The following CCBE1 variants were observed in gnomAD, a reference collection of about 807,000 sequenced individuals.
The protein encoded by CCBE1 is collagen and calcium-binding EGF domain-containing protein 1.
In CCBE1, 37 loss-of-function variants were observed where a neutral mutation model predicts 50.0. That is an observed-to-expected ratio of 0.74 (90% CI 0.57 to 0.97). The LOEUF (loss-of-function observed/expected upper bound fraction) is 0.97. Among genes scored for constraint, CCBE1 ranks in the 50% least tolerant of loss-of-function variants. The pLI, the probability that CCBE1 is intolerant of heterozygous loss-of-function variation, is 0.00. For synonymous variants in CCBE1, 234 were observed against 203.7 expected (o/e 1.15, Z -1.27); for missense variants, 538 against 523.8 (o/e 1.03, Z -0.26).
In CCBE1 at chr18:59,520,052, A is replaced by AC. The variant is rs1463597173; in HGVS notation, c.213-39815dup. ...TCTATATATCTGTTTTGGTACCAGT[A>AC]CCATGCTGTTTTGGTTACTGTAGCC... is the stretch of plus-strand genomic sequence containing the variant. On this transcript the variant is annotated intron_variant, in intron 2 of 10. Coordinates refer to ENST00000439986, the MANE Select transcript of CCBE1 (RefSeq NM_133459.4). 5.3e-5 allele frequency among the ~76,000 whole-genome samples: 8 copies of AC among 152,296 alleles called. No individual in the cohort carries two copies. The South Asian group carries it at 1.4e-3, about 28-fold the overall frequency.
In CCBE1 at chr18:59,438,852, A is replaced by C. The variant is rs376153030; in HGVS notation, c.951+691T>G. 1.7e-4 allele frequency among the ~76,000 whole-genome samples: 26 copies of C among 152,310 alleles called. No individual in the cohort carries two copies. In the East Asian group the frequency reaches 1.7e-3, roughly 10 times the overall value. ...CCTGGATGTCAGTGCAAGAGGTAGAAAGTGAGAGACCTTCAGGCCGGGAGC... is the reference window on the plus strand; with the variant it reads ...CCTGGATGTCAGTGCAAGAGGTAGACAGTGAGAGACCTTCAGGCCGGGAGC... On this transcript the variant is annotated intron_variant, in intron 9 of 10. Coordinates refer to ENST00000439986, the MANE Select transcript of CCBE1 (RefSeq NM_133459.4).
chr18:59,658,899 A>AAC (rs1555704935), intron 2 of CCBE1, among the ~76,000 whole-genome samples: 10 of 149,254 alleles, frequency 6.7e-5, no homozygotes, highest in African/African-American at 2.5e-4. Context: ...AAAAAAAAAA[A>AAC]AAAAAAACTG....
At chr18:59,441,552 T>A (rs1422083478) in intron 7 of CCBE1, among the ~76,000 whole-genome samples, 1 of 151,298 alleles carries the variant, frequency 6.6e-6, no homozygotes, top group Non-Finnish European at 1.5e-5. Flanking sequence ...AGGACAAGCC[T>A]CAGAGGGGAC....
chr18:59,564,129 A>G (rs1401856155), intron 2 of CCBE1: 1 of 152,228 alleles, frequency 6.6e-6, no homozygotes, highest in East Asian at 1.9e-4. Flanking sequence ...TATAACTATC[A>G]GCAGCTTAAA....
At chr18:59,569,412 A>G (rs2052874969) in intron 2 of CCBE1, among the ~76,000 whole-genome samples, 1 of 152,226 alleles carries the variant, frequency 6.6e-6, no homozygotes, top group South Asian at 2.1e-4. Flanking sequence ...TAGTTGATTT[A>G]TCTTTTGCAT....
intron 2 of CCBE1, among the ~76,000 whole-genome samples, chr18:59,556,151 T>C (rs2052653975): frequency 6.6e-6 from 1 of 152,184 alleles, no homozygotes; most frequent in African/African-American, 2.4e-5. Context: ...CTGCCGTGCA[T>C]GACACCTTGG....
chr18:59,696,321 C>T, intron 2 of CCBE1: 2 of 485,358 alleles, frequency 4.1e-6, no homozygotes, highest in Admixed American at 3.5e-5. Context: ...TTGCTATGCC[C>T]CACTGTTTAC....
intron 2 of CCBE1, among the ~76,000 whole-genome samples, chr18:59,685,387 C>A (rs368645436): frequency 6.6e-6 from 1 of 152,106 alleles, no homozygotes; most frequent in African/African-American, 2.4e-5. Context: ...TTGGAGACAC[C>A]AGGCACAGTG....
intron 2 of CCBE1, among the ~76,000 whole-genome samples, chr18:59,490,877 T>C (rs980634829): frequency 5.9e-5 from 9 of 152,236 alleles, no homozygotes; most frequent in African/African-American, 1.7e-4. Flanking sequence ...TTGTAAGACA[T>C]GTTTAAACCA....
chr18:59,600,490 TG>T (rs2053414593), intron 2 of CCBE1, among the ~76,000 whole-genome samples: 1 of 152,154 alleles, frequency 6.6e-6, no homozygotes, highest in Admixed American at 6.5e-5. Context: ...CCCCCACCTC[TG>T]GTCTGTGGAA....
chr18:59,539,200 C>CACAA (rs1555689624), intron 2 of CCBE1, among the ~76,000 whole-genome samples: 5 of 147,796 alleles, frequency 3.4e-5, no homozygotes, highest in African/African-American at 1.2e-4. Flanking sequence ...CACACACACA[C>CACAA]AAAAAACAAA....
chr18:59,696,767 C>A (rs2144762429), intron 1 of CCBE1, 58 bp from the exon 2 acceptor site: 7 of 1,574,700 alleles, frequency 4.4e-6, no homozygotes, highest in Non-Finnish European at 6.1e-6. Flanking sequence ...AGGCGGGCAG[C>A]GCGCGCTGGG....
chr18:59,565,755 A>AT (rs35917762), intron 2 of CCBE1, among the ~76,000 whole-genome samples: 2,118 of 147,458 alleles, frequency 0.014, 28 homozygotes, highest in African/African-American at 0.034. Flanking sequence ...TTGTCACTAG[A>AT]TTTTTTTTTT....
At chr18:59,525,745 A>G (rs1914792186) in intron 2 of CCBE1, among the ~76,000 whole-genome samples, 2 of 152,142 alleles carry the variant, frequency 1.3e-5, no homozygotes, top group South Asian at 4.1e-4. Flanking sequence ...TAACTCTTTA[A>G]TCCATCTTGA....
chr18:59,513,149 A>G (rs1914207449), intron 2 of CCBE1, among the ~76,000 whole-genome samples: 1 of 152,118 alleles, frequency 6.6e-6, no homozygotes, highest in Non-Finnish European at 1.5e-5. Context: ...CTCCACTAAA[A>G]ATACAAAAAT....
intron 2 of CCBE1, among the ~76,000 whole-genome samples, chr18:59,514,707 G>A (rs1217030518): frequency 6.9e-6 from 1 of 145,174 alleles, no homozygotes; most frequent in East Asian, 2.0e-4. Flanking sequence ...ACTTTAAAGA[G>A]CAAACACTTC....
intron 2 of CCBE1, among the ~76,000 whole-genome samples, chr18:59,692,630 G>A (rs2054747203): frequency 6.6e-6 from 1 of 152,126 alleles, no homozygotes; most frequent in Non-Finnish European, 1.5e-5. Context: ...AGCACTCCAA[G>A]TAAACACATT....
intron 2 of CCBE1, among the ~76,000 whole-genome samples, chr18:59,514,161 C>A (rs1016280407): frequency 6.6e-6 from 1 of 152,178 alleles, no homozygotes; most frequent in Non-Finnish European, 1.5e-5. Context: ...TTTTACATAG[C>A]AACATTTAGA....
At chr18:59,559,995 G>A (rs571043972) in intron 2 of CCBE1, among the ~76,000 whole-genome samples, 2 of 152,146 alleles carry the variant, frequency 1.3e-5, no homozygotes, top group South Asian at 2.1e-4. Flanking sequence ...GTTGCTGCAG[G>A]GCTATATGCA....
Sources: allele counts gnomAD v4.1 joint callset (sites outside exome capture counted in the v4.1 genomes callset), GRCh38; gene constraint gnomAD v4.1.1; transcripts MANE v1.5; gene names NCBI Gene and HGNC (gene_info 2026-07-23, HGNC 2026-07-21).